Variants in NAALADL2 observed in about 807,000 individuals in gnomAD.
NAALADL2 encodes the protein inactive N-acetylated-alpha-linked acidic dipeptidase-like protein 2.
A neutral mutation model predicts 87.2 loss-of-function variants in NAALADL2; 76 were observed. The observed-to-expected ratio is 0.87, with a 90% CI of 0.72 to 1.05. NAALADL2 has a LOEUF of 1.05. NAALADL2 is among the 50% of genes least tolerant of loss of function. The pLI is 0.00. For missense variants in NAALADL2, 1,089 were observed against 945.8 expected, an observed-to-expected ratio of 1.15 and a Z score of -1.99; for synonymous variants, 354 against 331.0, an observed-to-expected ratio of 1.07 and a Z score of -0.75.
At chr3:175,426,160 T>C (rs1716741603) in intron 5 of NAALADL2, among the ~76,000 whole-genome samples, 1 of 152,144 alleles carries the variant, frequency 6.6e-6, no homozygotes, top group Non-Finnish European at 1.5e-5. Flanking sequence ...GGTCAAGAGT[T>C]CGAGACCAGT....
intron 1 of NAALADL2, among the ~76,000 whole-genome samples, chr3:174,868,355 T>C (rs1450770608): frequency 1.3e-5 from 2 of 152,144 alleles, no homozygotes; most frequent in Non-Finnish European, 2.9e-5. Flanking sequence ...TATTTATATT[T>C]GTATATATTA....
chr3:174,907,111 A>C (rs1353910829), intron 1 of NAALADL2, among the ~76,000 whole-genome samples: 1 of 152,102 alleles, frequency 6.6e-6, no homozygotes, highest in East Asian at 1.9e-4. Flanking sequence ...ACTCATTTAT[A>C]TTTGATCTGA....
At chr3:175,604,154 T>A (rs1240948208) in intron 10 of NAALADL2, among the ~76,000 whole-genome samples, 1 of 152,128 alleles carries the variant, frequency 6.6e-6, no homozygotes, top group East Asian at 1.9e-4. Context: ...CATTTTACAT[T>A]CTCACCAATA....
chr3:175,470,446 C>T (rs1243753679), intron 8 of NAALADL2, among the ~76,000 whole-genome samples: 1 of 151,954 alleles, frequency 6.6e-6, no homozygotes, highest in Non-Finnish European at 1.5e-5. Flanking sequence ...TAAATCATAA[C>T]ATCACTTTGT....
intron 5 of NAALADL2, among the ~76,000 whole-genome samples, chr3:175,346,911 CAG>C (rs2148860927): frequency 6.6e-6 from 1 of 152,280 alleles, no homozygotes; most frequent in East Asian, 1.9e-4. Context: ...ACTACAATAA[CAG>C]TAATCATTTA....
chr3:175,771,854 C>A (rs1749529483), intron 13 of NAALADL2, among the ~76,000 whole-genome samples: 2 of 152,144 alleles, frequency 1.3e-5, no homozygotes, highest in Non-Finnish European at 2.9e-5. Context: ...GTCAGCATGG[C>A]TGTGGAGGCC....
At chr3:175,774,836 CAT>C (rs1272955119) in intron 13 of NAALADL2, 1 of 151,984 alleles carries the variant, frequency 6.6e-6, no homozygotes, top group African/African-American at 2.4e-5. Context: ...TATATTGATT[CAT>C]GTTGAAATTA....
chr3:175,582,854 A>G (rs1239438471), intron 10 of NAALADL2, among the ~76,000 whole-genome samples: 1 of 152,188 alleles, frequency 6.6e-6, no homozygotes, highest in Non-Finnish European at 1.5e-5. Context: ...CCACTCCTTT[A>G]AAACGTAATG....
intron 9 of NAALADL2, among the ~76,000 whole-genome samples, chr3:175,477,199 C>G (rs1408943672): frequency 6.6e-6 from 1 of 152,088 alleles, no homozygotes; most frequent in African/African-American, 2.4e-5. Context: ...TAGAACTTTA[C>G]AGATGTTTCT....
At chr3:175,551,158 G>T (rs1714292216) in intron 9 of NAALADL2, among the ~76,000 whole-genome samples, 1 of 151,794 alleles carries the variant, frequency 6.6e-6, no homozygotes. Context: ...TGTGAATTTG[G>T]CTAAGCTACA....
intron 2 of NAALADL2, among the ~76,000 whole-genome samples, chr3:174,676,195 C>T (rs1042594257): frequency 3.3e-5 from 5 of 151,876 alleles, no homozygotes; most frequent in Non-Finnish European, 5.9e-5. Flanking sequence ...GTGCTCTTCA[C>T]TAGATTGAAG....
At chr3:175,522,170 G>T (rs1297653020) in intron 9 of NAALADL2, among the ~76,000 whole-genome samples, 1 of 151,930 alleles carries the variant, frequency 6.6e-6, no homozygotes, top group Non-Finnish European at 1.5e-5. Context: ...CTAAGTCTTT[G>T]CTTTATTCTC....
At chr3:175,017,761 A>G (rs1447475169) in intron 1 of NAALADL2, among the ~76,000 whole-genome samples, 6 of 152,010 alleles carry the variant, frequency 3.9e-5, no homozygotes, top group Non-Finnish European at 8.8e-5. Context: ...TCTGAATATT[A>G]TTTTTGGGGG....
At chr3:175,696,876 A>G (rs115038114) in intron 11 of NAALADL2, among the ~76,000 whole-genome samples, 2,048 of 152,206 alleles carry the variant, frequency 0.013, 42 homozygotes, top group African/African-American at 0.047. Flanking sequence ...AGGCAGAGAG[A>G]AAGTAGGGGC....
chr3:175,654,418 C>A (rs545634329), intron 11 of NAALADL2, among the ~76,000 whole-genome samples: 1 of 152,242 alleles, frequency 6.6e-6, no homozygotes, highest in East Asian at 1.9e-4. Flanking sequence ...AAACTTTTTT[C>A]TAAAACTATT....
chr3:175,581,229 G>A (rs529576884), intron 10 of NAALADL2: 14 of 303,010 alleles, frequency 4.6e-5, no homozygotes, highest in Non-Finnish European at 8.9e-5. Context: ...ATCACCGGAG[G>A]TCAGGAGATC....
At chr3:175,415,505 G>GA in intron 5 of NAALADL2, among the ~76,000 whole-genome samples, 1 of 151,950 alleles carries the variant, frequency 6.6e-6, no homozygotes, top group South Asian at 2.1e-4. Flanking sequence ...AATTTATGTA[G>GA]AAAATATAGA....
chr3:174,730,505 G>T (rs1196200595), intron 2 of NAALADL2, among the ~76,000 whole-genome samples: 1 of 152,008 alleles, frequency 6.6e-6, no homozygotes, highest in East Asian at 1.9e-4. Flanking sequence ...ACTTTTAAAA[G>T]AATATTGAAT....
At chr3:175,357,243 A>G (rs529279305) in intron 5 of NAALADL2, among the ~76,000 whole-genome samples, 3 of 152,318 alleles carry the variant, frequency 2.0e-5, no homozygotes, top group Middle Eastern at 3.4e-3. Context: ...GGAATAGGTC[A>G]CAAAGATCAG....
Sources: gnomAD v4.1 joint callset for allele counts (sites outside exome capture counted in the v4.1 genomes callset) on GRCh38, gnomAD v4.1.1 for gene constraint, MANE v1.5 for transcripts, NCBI Gene and HGNC (gene_info 2026-07-23, HGNC 2026-07-21) for gene names.